The following SPPL3 variants were observed in gnomAD, a reference collection of about 807,000 sequenced individuals.
SPPL3 encodes the protein signal peptide peptidase-like 3.
Under a neutral mutation model 42.4 loss-of-function variants are expected in SPPL3, and 5 were observed. The ratio of observed to expected loss-of-function variants is 0.12; its 90% CI spans 0.06 to 0.25. SPPL3 has a LOEUF of 0.25. SPPL3 is among the 10% of genes least tolerant of loss of function. The pLI is 1.00. For synonymous variants in SPPL3, 195 were observed against 181.8 expected (o/e 1.07, Z -0.58); for missense variants, 235 against 489.0 (o/e 0.48, Z 4.90).
chr12:120,794,563 A>C (rs945833875), intron 2 of SPPL3, among the ~76,000 whole-genome samples: 11 of 151,968 alleles, frequency 7.2e-5, no homozygotes, highest in Middle Eastern at 3.2e-3. Flanking sequence ...ACACCCTGCT[A>C]ATTTTTGTAT....
At chr12:120,873,604 G>A (rs1872993586) in intron 1 of SPPL3, among the ~76,000 whole-genome samples, 1 of 152,178 alleles carries the variant, frequency 6.6e-6, no homozygotes, top group Admixed American at 6.5e-5. Context: ...TCCGTGCACA[G>A]TGGCTTACAC....
intron 1 of SPPL3, among the ~76,000 whole-genome samples, chr12:120,873,742 C>T (rs1388291920): frequency 6.6e-6 from 1 of 151,872 alleles, no homozygotes; most frequent in African/African-American, 2.4e-5. Context: ...TGTGGTGGCA[C>T]GTGCCTGTAA....
chr12:120,861,036 C>T (rs1193272385), intron 1 of SPPL3, among the ~76,000 whole-genome samples: 1 of 152,174 alleles, frequency 6.6e-6, no homozygotes, highest in Non-Finnish European at 1.5e-5. Context: ...CGCTATATTA[C>T]TTACAATACA....
At chr12:120,820,312 T>TTTC (rs1235078139) in intron 1 of SPPL3, among the ~76,000 whole-genome samples, 30 of 142,198 alleles carry the variant, frequency 2.1e-4, no homozygotes, top group African/African-American at 8.0e-4. Flanking sequence ...CTAAATTTTT[T>TTTC]TTTTTTTTTT....
At chr12:120,868,441 T>C (rs1397580989) in intron 1 of SPPL3, among the ~76,000 whole-genome samples, 2 of 150,304 alleles carry the variant, frequency 1.3e-5, no homozygotes, top group South Asian at 2.2e-4. Flanking sequence ...GGTCAACAGA[T>C]AGATGGTGTA....
chr12:120,803,367 T>C (rs1372425859), intron 2 of SPPL3, among the ~76,000 whole-genome samples: 1 of 152,188 alleles, frequency 6.6e-6, no homozygotes, highest in Non-Finnish European at 1.5e-5. Flanking sequence ...AAATAAACAA[T>C]TGTAGGAAGC....
chr12:120,903,163 G>GC (rs1040611534), intron 1 of SPPL3, among the ~76,000 whole-genome samples: 19 of 152,108 alleles, frequency 1.2e-4, no homozygotes, highest in Admixed American at 1.0e-3. Context: ...CTCTGCCCAT[G>GC]CCCCACTGTC....
chr12:120,771,435 G>T (rs1028613114), intron 6 of SPPL3, among the ~76,000 whole-genome samples: 1 of 152,234 alleles, frequency 6.6e-6, no homozygotes, highest in Admixed American at 6.5e-5. Context: ...GTCTTTCACA[G>T]TTCTTCACGC....
intron 1 of SPPL3, among the ~76,000 whole-genome samples, chr12:120,876,485 C>T (rs555780832): frequency 4.0e-5 from 6 of 151,228 alleles, no homozygotes; most frequent in South Asian, 2.1e-4. Context: ...GGCGTGGTGG[C>T]GGGCACCTGT....
intron 1 of SPPL3, 116 bp downstream of exon 1, chr12:120,903,729 C>CCCG: frequency 8.4e-6 from 5 of 595,056 alleles, no homozygotes; most frequent in Non-Finnish European, 1.3e-5. Context: ...CACCCCAACC[C>CCCG]GCGCCCCCCC....
intron 2 of SPPL3, among the ~76,000 whole-genome samples, chr12:120,806,705 T>C (rs903227505): frequency 1.3e-5 from 2 of 151,804 alleles, no homozygotes; most frequent in African/African-American, 4.8e-5. Flanking sequence ...AAAAATTAGC[T>C]GGGCATGGTG....
chr12:120,808,808 G>C (rs1870586928), intron 2 of SPPL3, among the ~76,000 whole-genome samples: 1 of 152,208 alleles, frequency 6.6e-6, no homozygotes, highest in Non-Finnish European at 1.5e-5. Flanking sequence ...CAAATGGAAG[G>C]TAGTCTGCAC....
chr12:120,815,467 C>T (rs942926177), intron 1 of SPPL3, among the ~76,000 whole-genome samples: 1 of 152,110 alleles, frequency 6.6e-6, no homozygotes, highest in Non-Finnish European at 1.5e-5. Context: ...GACTCCAGAG[C>T]TATAAAAAAA....
At chr12:120,844,823 T>A (rs1235420549) in intron 1 of SPPL3, among the ~76,000 whole-genome samples, 2 of 149,846 alleles carry the variant, frequency 1.3e-5, no homozygotes, top group African/African-American at 2.5e-5. Context: ...CGGGCCTACA[T>A]CCCCTCTCAG....
intron 1 of SPPL3, among the ~76,000 whole-genome samples, chr12:120,892,004 T>C (rs1262343942): frequency 2.0e-5 from 3 of 152,106 alleles, no homozygotes; most frequent in Admixed American, 6.6e-5. Flanking sequence ...TATTAGAAAG[T>C]TAGGCAAATT....
intron 1 of SPPL3, among the ~76,000 whole-genome samples, chr12:120,893,472 C>T (rs1434672583): frequency 6.6e-6 from 1 of 151,934 alleles, no homozygotes; most frequent in Admixed American, 6.6e-5. Flanking sequence ...CCTTTATGAC[C>T]CTGCTGTCTG....
intron 1 of SPPL3, among the ~76,000 whole-genome samples, chr12:120,849,406 T>G (rs1455794275): frequency 5.9e-5 from 9 of 152,140 alleles, no homozygotes; most frequent in Non-Finnish European, 1.5e-5. Flanking sequence ...ATTGTTTAAG[T>G]AGATACGAAT....
At chr12:120,839,587 C>T (rs1272751433) in intron 1 of SPPL3, among the ~76,000 whole-genome samples, 1 of 152,028 alleles carries the variant, frequency 6.6e-6, no homozygotes, top group Non-Finnish European at 1.5e-5. Context: ...TTTAAATAAC[C>T]AAAGGTAGGA....
intron 1 of SPPL3, among the ~76,000 whole-genome samples, chr12:120,897,014 C>G (rs2137071107): frequency 6.6e-6 from 1 of 152,298 alleles, no homozygotes; most frequent in Non-Finnish European, 1.5e-5. Flanking sequence ...TATCAACACT[C>G]TCTTTCTCTT....
Sources: gnomAD v4.1 joint callset for allele counts (sites outside exome capture counted in the v4.1 genomes callset) on GRCh38, gnomAD v4.1.1 for gene constraint, MANE v1.5 for transcripts, NCBI Gene and HGNC (gene_info 2026-07-23, HGNC 2026-07-21) for gene names.